TBC1D22A: variants seen among roughly 807,000 people sequenced by gnomAD.
The protein encoded by TBC1D22A is TBC1 domain family member 22A.
TBC1D22A carries 38 observed loss-of-function variants against 60.2 expected under a neutral mutation model. The observed-to-expected ratio is 0.63, with a 90% CI of 0.49 to 0.83. The LOEUF is 0.83. TBC1D22A is among the 40% of genes least tolerant of loss of function. The pLI is 0.00. For synonymous variants in TBC1D22A, 302 were observed against 281.7 expected (o/e 1.07, Z -0.72); for missense variants, 628 against 701.0 (o/e 0.90, Z 1.18).
chr22:46,893,762 C>T (rs930505026), intron 6 of TBC1D22A, among the ~76,000 whole-genome samples: 1 of 152,360 alleles, frequency 6.6e-6, no homozygotes, highest in Admixed American at 6.5e-5. Context: ...GCTGCTTCTG[C>T]CTCCTCCTCT....
chr22:47,055,604 CAG>C (rs2063367098), intron 11 of TBC1D22A, among the ~76,000 whole-genome samples: 2 of 152,118 alleles, frequency 1.3e-5, no homozygotes, highest in Admixed American at 1.3e-4. Context: ...CCCCTGCCCT[CAG>C]GGAATCTCAG....
At chr22:46,831,331 T>G (rs978459818) in intron 4 of TBC1D22A, among the ~76,000 whole-genome samples, 1 of 152,096 alleles carries the variant, frequency 6.6e-6, no homozygotes, top group African/African-American at 2.4e-5. Flanking sequence ...TACCACTGTT[T>G]CGTTTAACGG....
intron 12 of TBC1D22A, among the ~76,000 whole-genome samples, chr22:47,140,256 GAT>G (rs942421066): frequency 6.6e-5 from 10 of 152,128 alleles, no homozygotes; most frequent in African/African-American, 2.4e-4. Context: ...CTTATTTTAA[GAT>G]AGAGCTCATC....
At chr22:46,998,893 C>T (rs1055072497) in intron 10 of TBC1D22A, among the ~76,000 whole-genome samples, 12 of 152,368 alleles carry the variant, frequency 7.9e-5, no homozygotes, top group African/African-American at 2.9e-4. Context: ...CCGCACGCTC[C>T]ACCGCGCGGT....
At chr22:47,141,759 A>G (rs9615465) in intron 12 of TBC1D22A, among the ~76,000 whole-genome samples, 1 of 151,880 alleles carries the variant, frequency 6.6e-6, no homozygotes, top group Non-Finnish European at 1.5e-5. Flanking sequence ...GGAAGAAGGA[A>G]GAAGGGAAGG....
intron 8 of TBC1D22A, among the ~76,000 whole-genome samples, chr22:46,922,878 CTT>C (rs2070836951): frequency 6.6e-6 from 1 of 152,124 alleles, no homozygotes. Flanking sequence ...ATTGCAAACA[CTT>C]TTATTTCCTC....
chr22:47,080,230 A>C (rs1191962925), intron 11 of TBC1D22A, among the ~76,000 whole-genome samples: 1 of 152,226 alleles, frequency 6.6e-6, no homozygotes, highest in East Asian at 1.9e-4. Flanking sequence ...AAAATCAGTA[A>C]AAGTATATTT....
At chr22:46,875,392 CAAG>C (rs968748847) in intron 4 of TBC1D22A, among the ~76,000 whole-genome samples, 13 of 152,010 alleles carry the variant, frequency 8.6e-5, no homozygotes, top group Middle Eastern at 3.2e-3. Context: ...GAGTGGGGGC[CAAG>C]AACGACTAGA....
intron 1 of TBC1D22A, among the ~76,000 whole-genome samples, chr22:46,791,673 A>G (rs1203709546): frequency 2.0e-5 from 3 of 152,098 alleles, no homozygotes; most frequent in Admixed American, 1.3e-4. Flanking sequence ...TGATGAGTCA[A>G]CCAACAGTGT....
chr22:47,019,916 C>G (rs873423), intron 10 of TBC1D22A, among the ~76,000 whole-genome samples: 3 of 123,086 alleles, frequency 2.4e-5, no homozygotes, highest in East Asian at 5.0e-4. Context: ...TCTCCATCCT[C>G]CCCTCTCCCT....
In TBC1D22A at chr22:47,047,737, G is replaced by C. The variant is rs150601195; in HGVS notation, c.1329+10539G>C. 3.9e-5 allele frequency among the ~76,000 whole-genome samples: 6 copies of C among 152,358 alleles called. No individual in the cohort carries two copies. The East Asian group carries it at 9.6e-4, about 24-fold the overall frequency. ...TGGTGGAAGAAGCTTGCCCCATCCTGTGTGGAGGGTTCAGAGCTGGGGTCT... is the reference window on the plus strand; with the variant it reads ...TGGTGGAAGAAGCTTGCCCCATCCTCTGTGGAGGGTTCAGAGCTGGGGTCT... On this transcript the variant is annotated intron_variant, in intron 11 of 12. Transcript: ENST00000337137.
At chr22:47,025,284 A>G (rs1440774892) in intron 10 of TBC1D22A, among the ~76,000 whole-genome samples, 1 of 152,236 alleles carries the variant, frequency 6.6e-6, no homozygotes, top group Non-Finnish European at 1.5e-5. Flanking sequence ...AAATTCCAAG[A>G]GTGCACATTC....
At position 47,009,666 on chromosome 22, in the gene TBC1D22A, A is replaced by G. The variant is rs1222212220; in HGVS notation, c.1201+11957A>G. ...CATCATTACCATCATCACCATCATC[A>G]TCACTATCACCAGCATCATTTCATC... On this transcript the variant is annotated intron_variant, in intron 10 of 12. Coordinates refer to ENST00000337137, the MANE Select transcript of TBC1D22A (RefSeq NM_014346.5). This position sits in a 1 kb window ranked among gnomAD's most constrained non-coding sequence, Gnocchi z 5.8. Among the ~76,000 whole-genome samples the G allele has an allele frequency of 2.0e-5, 3 of 151,920 alleles. No individual in the cohort carries two copies. Among genetic ancestry groups the G allele is most frequent in the Non-Finnish European group, 4.4e-5 (3 of 67,970 alleles).
chr22:46,776,241 T>G (rs2083698333), intron 1 of TBC1D22A, among the ~76,000 whole-genome samples: 1 of 152,172 alleles, frequency 6.6e-6, no homozygotes, highest in Admixed American at 6.5e-5. Context: ...ACAGGGTGGC[T>G]TGAACACAGC....
At chr22:47,037,991 T>TCAG (rs748762720) in intron 11 of TBC1D22A, among the ~76,000 whole-genome samples, 8 of 152,254 alleles carry the variant, frequency 5.3e-5, no homozygotes, top group Non-Finnish European at 1.0e-4. Flanking sequence ...ATTCAATTCT[T>TCAG]CAGGAGGTTG....
chr22:46,766,905 G>A (rs908777371), intron 1 of TBC1D22A, among the ~76,000 whole-genome samples: 1 of 152,138 alleles, frequency 6.6e-6, no homozygotes, highest in Admixed American at 6.5e-5. Flanking sequence ...TGTTGTTGGT[G>A]CCTCTGGCTT....
At chr22:47,029,666 G>A (rs1301180150) in intron 10 of TBC1D22A, among the ~76,000 whole-genome samples, 1 of 152,254 alleles carries the variant, frequency 6.6e-6, no homozygotes. Flanking sequence ...GGGATGGCAG[G>A]AGCCCTGCCT....
At chr22:47,022,387 A>C (rs1408531103) in intron 10 of TBC1D22A, among the ~76,000 whole-genome samples, 1 of 152,166 alleles carries the variant, frequency 6.6e-6, no homozygotes, top group East Asian at 1.9e-4. Context: ...GCCTGGAGAG[A>C]GTCTCTGGAG....
intron 12 of TBC1D22A, among the ~76,000 whole-genome samples, chr22:47,151,565 G>A (rs774798314): frequency 1.3e-5 from 2 of 152,208 alleles, no homozygotes; most frequent in South Asian, 2.1e-4. Context: ...TCTGGTACCT[G>A]GGCTCCCTCG....
Sources: allele counts gnomAD v4.1 joint callset (sites outside exome capture counted in the v4.1 genomes callset), GRCh38; gene constraint gnomAD v4.1.1; non-coding constraint Gnocchi (gnomAD v3.1); transcripts MANE v1.5; gene names NCBI Gene and HGNC (gene_info 2026-07-23, HGNC 2026-07-21).